PCDHGA10: variants seen among roughly 807,000 people sequenced by gnomAD.
PCDHGA10 encodes the protein protocadherin gamma subfamily A, 10.
A neutral mutation model predicts 59.5 loss-of-function variants in PCDHGA10; 42 were observed. The observed-to-expected ratio is 0.71, with a 90% CI of 0.55 to 0.91. The LOEUF is 0.91. PCDHGA10 is among the 40% of genes least tolerant of loss of function. The pLI is 0.00. For missense variants in PCDHGA10, 1,111 were observed against 1,198.2 expected, an observed-to-expected ratio of 0.93 and a Z score of 1.07; for synonymous variants, 511 against 517.2, an observed-to-expected ratio of 0.99 and a Z score of 0.16.
In PCDHGA10 at chr5:141,431,508, G is replaced by A. The variant is rs774545870; in HGVS notation, c.2436+15897G>A. ...TTTGCTCAGCCCGAGTACCGCGCGA[G>A]CGTTCCGGAGAATCTGGCCTTGGGC... On this transcript the variant is annotated intron_variant, in intron 1 of 3. Coordinates refer to ENST00000398610, the MANE Select transcript of PCDHGA10 (RefSeq NM_018913.3). The surrounding 1 kb of genome is among the most constrained non-coding windows in gnomAD (Gnocchi z 4.8). 12 of 1,613,914 alleles carry A rather than the reference G, an allele frequency of 7.4e-6. No individual in the cohort carries two copies. Among genetic ancestry groups the A allele is most frequent in the East Asian group, 2.2e-5 (1 of 44,904 alleles).
chr5:141,428,361 C>G, intron 1 of PCDHGA10: 2 of 556,764 alleles, frequency 3.6e-6, no homozygotes, highest in Non-Finnish European at 6.6e-6. Context: ...TTTTGGCGGT[C>G]GCCTTGCACC....
In PCDHGA10 at chr5:141,427,541, C is replaced by G. The variant is rs541988301; in HGVS notation, c.2436+11930C>G. ...AGCGGATCCCGGAGTACAACGTCACCATCACTGCCACTGACAAGGGCAAGC... is the reference window on the plus strand; with the variant it reads ...AGCGGATCCCGGAGTACAACGTCACGATCACTGCCACTGACAAGGGCAAGC... On this transcript the variant is annotated intron_variant, in intron 1 of 3. Coordinates refer to ENST00000398610, the MANE Select transcript of PCDHGA10 (RefSeq NM_018913.3). 3.1e-5 allele frequency: 20 copies of G among 635,320 alleles called. No individual in the cohort carries two copies. The African/African-American group carries it at 3.6e-4, about 11-fold the overall frequency. The allele number at this position is 635,320 out of a possible 1,614,324, so 39.4% of individuals were successfully genotyped here.
Position 141,415,012 on chromosome 5 carries a change from C to T in PCDHGA10, c.1837C>T (p.Leu613Phe), listed in dbSNP as rs1451963535. 1.2e-6 allele frequency: 2 copies of T among 1,613,644 alleles called. No homozygotes were observed. Among genetic ancestry groups the T allele is most frequent in the South Asian group, 1.1e-5 (1 of 91,068 alleles). Residue 613 changes from leucine (L) to phenylalanine (F), a missense_variant, in exon 1 of 4, where the codon CTC (leucine) becomes TTC (phenylalanine). Transcript: ENST00000398610. ...GAACGCCTGGCTGTCCTACCGTCTG[C>T]TCAAGGCCAGCGAGCCGGGACTCTT... Reference protein sequence around the residue: ...GQNAWLSYRLLKASEPGLFAV... With the variant: ...GQNAWLSYRLFKASEPGLFAV...
Position 141,476,758 on chromosome 5 carries a change from G to A in PCDHGA10, c.2437-18049G>A. On this transcript the variant is annotated intron_variant, in intron 1 of 3. Transcript: ENST00000398610. The surrounding 1 kb of genome is among the most constrained non-coding windows in gnomAD (Gnocchi z 7.6). Reference sequence around the variant, plus strand: ...GGGAGCCTAGTCTCCAGTTAGTGCTGACGGCGTTGGACGGAGGGACCCCAG... The same window carrying A: ...GGGAGCCTAGTCTCCAGTTAGTGCTAACGGCGTTGGACGGAGGGACCCCAG... 1 of 1,613,868 alleles carries A rather than the reference G, an allele frequency of 6.2e-7. No homozygotes were observed. The highest frequency in any genetic ancestry group is 1.1e-5 in the South Asian group (1 of 91,086).
intron 1 of PCDHGA10, chr5:141,421,690 C>T: frequency 6.2e-7 from 1 of 1,613,948 alleles, no homozygotes. Context: ...GCGATTTGCT[C>T]TTCCTAATGC....
intron 2 of PCDHGA10, among the ~76,000 whole-genome samples, chr5:141,502,382 T>C (rs1668612742): frequency 1.3e-5 from 2 of 152,088 alleles, no homozygotes; most frequent in Non-Finnish European, 2.9e-5. Context: ...CCAGGCCAGT[T>C]GTACTTTAAA....
At chr5:141,418,343 A>G in intron 1 of PCDHGA10, 1 of 1,614,010 alleles carries the variant, frequency 6.2e-7, no homozygotes, top group Non-Finnish European at 8.5e-7. Flanking sequence ...AGATCCTGAT[A>G]TTAGTATGAA....
At chr5:141,496,928 G>A (rs2099772685) in intron 2 of PCDHGA10, among the ~76,000 whole-genome samples, 1 of 151,334 alleles carries the variant, frequency 6.6e-6, no homozygotes, top group Non-Finnish European at 1.5e-5. Context: ...GTTCACGCCT[G>A]TAATCCCAGC....
At chr5:141,441,725 C>T (rs2098268012) in intron 1 of PCDHGA10, 3 of 352,332 alleles carry the variant, frequency 8.5e-6, no homozygotes. Flanking sequence ...AGGCCCGCGA[C>T]CAGGACTAGC....
In PCDHGA10 at chr5:141,486,369, C is replaced by T; in HGVS notation, c.2437-8438C>T. 8 of 1,614,128 alleles carry T rather than the reference C, an allele frequency of 5.0e-6. No homozygotes were observed. The highest frequency in any genetic ancestry group is 6.8e-6 in the Non-Finnish European group (8 of 1,179,996). On this transcript the variant is annotated intron_variant, in intron 1 of 3. Coordinates refer to ENST00000398610, the MANE Select transcript of PCDHGA10 (RefSeq NM_018913.3). The surrounding 1 kb of genome is among the most constrained non-coding windows in gnomAD (Gnocchi z 5.0). ...GACCACTTGCCATTTGCCCTCAAGT[C>T]TGCCTTCAGGAACCAGTTCTCCCTG...
chr5:141,485,601 G>T lies in PCDHGA10; in HGVS notation c.2437-9206G>T, dbSNP rs762783104. On this transcript the variant is annotated intron_variant, in intron 1 of 3. Transcript: ENST00000398610. The surrounding 1 kb of genome is among the most constrained non-coding windows in gnomAD (Gnocchi z 5.7). ...CGGCAGCAGCTGGACTTGGAAATTG[G>T]GGAGGCAGCTCCTCCAGGACAGCGT... The T allele has an allele frequency of 3.1e-6, 5 of 1,612,290 alleles. No individual in the cohort carries two copies. Among genetic ancestry groups the T allele is most frequent in the Non-Finnish European group, 4.2e-6 (5 of 1,178,722 alleles).
Position 141,477,016 on chromosome 5 carries a change from A to G in PCDHGA10, c.2437-17791A>G, listed in dbSNP as rs2099403497. Reference sequence around the variant, plus strand: ...GGCAACTATTCGCCTTAGACCTTGTAACCGGGATGCTGACAATCAAGGGTC... The same window carrying G: ...GGCAACTATTCGCCTTAGACCTTGTGACCGGGATGCTGACAATCAAGGGTC... On this transcript the variant is annotated intron_variant, in intron 1 of 3. Transcript: ENST00000398610. The surrounding 1 kb of genome is among the most constrained non-coding windows in gnomAD (Gnocchi z 4.9). 4.3e-6 allele frequency: 7 copies of G among 1,614,130 alleles called. No homozygotes were observed. The highest frequency in any genetic ancestry group is 5.9e-6 in the Non-Finnish European group (7 of 1,180,050).
At chr5:141,464,400 G>GAGATATATATATATCTATATATAT (rs2099082782) in intron 1 of PCDHGA10, among the ~76,000 whole-genome samples, 3 of 151,366 alleles carry the variant, frequency 2.0e-5, no homozygotes, top group African/African-American at 4.9e-5. Context: ...TGAAGAACCT[G>GAGATATATATATATCTATATATAT]AGATATATAT....
At chr5:141,497,568 C>G (rs1012946741) in intron 2 of PCDHGA10, among the ~76,000 whole-genome samples, 2 of 140,602 alleles carry the variant, frequency 1.4e-5, no homozygotes, top group African/African-American at 5.4e-5. Flanking sequence ...TAGACAGAGT[C>G]TTGCTCTGTT....
rs781026604 is a variant in PCDHGA10, at chr5:141,490,471, C to G, written c.2437-4336C>G. ...CCACTACTCGCTGCTAACCAGCCAG[C>G]CTTTGGACCGGGAGGCCACATCCCA... On this transcript the variant is annotated intron_variant, in intron 1 of 3. Coordinates refer to ENST00000398610, the MANE Select transcript of PCDHGA10 (RefSeq NM_018913.3). The surrounding 1 kb of genome is among the most constrained non-coding windows in gnomAD (Gnocchi z 5.4). 12 of 1,614,096 alleles carry G rather than the reference C, an allele frequency of 7.4e-6. No homozygotes were observed. The highest frequency in any genetic ancestry group is 1.1e-5 in the South Asian group (1 of 91,092).
chr5:141,500,051 C>A (rs991931153), intron 2 of PCDHGA10, among the ~76,000 whole-genome samples: 1 of 151,988 alleles, frequency 6.6e-6, no homozygotes, highest in Non-Finnish European at 1.5e-5. Context: ...TATCTTAATG[C>A]TCTTTTAATG....
Position 141,431,614 on chromosome 5 carries a change from C to G in PCDHGA10, c.2436+16003C>G. ...TGAGGTATTCCTTCCGGTATGTGGACGACAAGGCGGCCCAAGTTTTCAAAC... is the reference window on the plus strand; with the variant it reads ...TGAGGTATTCCTTCCGGTATGTGGAGGACAAGGCGGCCCAAGTTTTCAAAC... On this transcript the variant is annotated intron_variant, in intron 1 of 3. Coordinates refer to ENST00000398610, the MANE Select transcript of PCDHGA10 (RefSeq NM_018913.3). This position sits in a 1 kb window ranked among gnomAD's most constrained non-coding sequence, Gnocchi z 4.8. 6.2e-7 allele frequency: 1 copy of G among 1,614,206 alleles called. No homozygotes were observed. The highest frequency in any genetic ancestry group is 1.1e-5 in the South Asian group (1 of 91,092).
intron 1 of PCDHGA10, among the ~76,000 whole-genome samples, chr5:141,437,886 C>T (rs763669578): frequency 1.1e-4 from 17 of 152,140 alleles, no homozygotes; most frequent in Non-Finnish European, 1.5e-4. Context: ...TACAGGCACA[C>T]GCCACCACAC....
chr5:141,487,196 G>A lies in PCDHGA10; in HGVS notation c.2437-7611G>A. On this transcript the variant is annotated intron_variant, in intron 1 of 3. Coordinates refer to ENST00000398610, the MANE Select transcript of PCDHGA10 (RefSeq NM_018913.3). This position sits in a 1 kb window ranked among gnomAD's most constrained non-coding sequence, Gnocchi z 5.0. Reference sequence around the variant, plus strand: ...GGAAGACACTCATCCAGTTGTCCCAGATCTTCGAGAATCTTCAGCTCCAAG... The same window carrying A: ...GGAAGACACTCATCCAGTTGTCCCAAATCTTCGAGAATCTTCAGCTCCAAG... The A allele has an allele frequency of 1.2e-6, 2 of 1,613,878 alleles. No homozygotes were observed. The highest frequency in any genetic ancestry group is 8.5e-7 in the Non-Finnish European group (1 of 1,179,796).
Sources: allele counts gnomAD v4.1 joint callset (sites outside exome capture counted in the v4.1 genomes callset), GRCh38; gene constraint gnomAD v4.1.1; non-coding constraint Gnocchi (gnomAD v3.1); transcripts MANE v1.5; gene names NCBI Gene and HGNC (gene_info 2026-07-23, HGNC 2026-07-21).